Variants in RAPGEF1 observed in about 807,000 individuals in gnomAD.
RAPGEF1 encodes the protein Rap guanine nucleotide exchange factor 1, also known as CRK SH3-binding GNRP.
A neutral mutation model predicts 143.3 loss-of-function variants in RAPGEF1; 33 were observed. The observed-to-expected ratio is 0.23, with a 90% confidence interval of 0.17 to 0.31. RAPGEF1 has a LOEUF of 0.31. Among genes scored for constraint, RAPGEF1 ranks in the 10% least tolerant of loss-of-function variants. The pLI, the probability that RAPGEF1 is intolerant of heterozygous loss-of-function variation, is 1.00. For missense variants in RAPGEF1, 1,199 were observed against 1,645.4 expected, an observed-to-expected ratio of 0.73 and a Z score of 4.69; for synonymous variants, 629 against 676.5, an observed-to-expected ratio of 0.93 and a Z score of 1.09.
At chr9:131,608,518 G>C (rs985708711) in intron 12 of RAPGEF1, among the ~76,000 whole-genome samples, 7 of 152,164 alleles carry the variant, frequency 4.6e-5, no homozygotes. Context: ...GAAATGACCA[G>C]GGGTGTGGGC....
chr9:131,642,955 C>T (rs573318208), intron 4 of RAPGEF1, among the ~76,000 whole-genome samples: 11 of 152,314 alleles, frequency 7.2e-5, no homozygotes, highest in African/African-American at 2.6e-4. Context: ...CGGGAGGCGT[C>T]CTGGCTTGAC....
chr9:131,680,415 C>T (rs894364090), intron 1 of RAPGEF1, among the ~76,000 whole-genome samples: 2 of 152,264 alleles, frequency 1.3e-5, no homozygotes, highest in East Asian at 3.9e-4. Flanking sequence ...AAATTGGCCC[C>T]AAAACTGGTC....
At chr9:131,692,994 T>A (rs899671936) in intron 1 of RAPGEF1, among the ~76,000 whole-genome samples, 1 of 152,212 alleles carries the variant, frequency 6.6e-6, no homozygotes, top group Non-Finnish European at 1.5e-5. Context: ...ATGGGGACCC[T>A]GGCTAAGGGG....
chr9:131,680,582 G>C (rs1423877973), intron 1 of RAPGEF1, among the ~76,000 whole-genome samples: 1 of 152,222 alleles, frequency 6.6e-6, no homozygotes, highest in Non-Finnish European at 1.5e-5. Flanking sequence ...AATAGCATGA[G>C]AGATCTGTGC....
rs983289213 is a variant in RAPGEF1 at position 131,606,769 on chromosome 9, G to A, written c.2062-1581C>T. Reference sequence around the variant, plus strand: ...TTCCTGAGTAGCTGGGACCACAGGTGCATGTCACCACAACCGGCTCACTTT... The same window carrying A: ...TTCCTGAGTAGCTGGGACCACAGGTACATGTCACCACAACCGGCTCACTTT... On this transcript the variant is annotated intron_variant, in intron 12 of 26. Transcript: ENST00000683357. Among the ~76,000 whole-genome samples the A allele has an allele frequency of 2.0e-4, 30 of 152,112 alleles. 1 individual carries two copies. The highest frequency in any genetic ancestry group is 9.8e-4 in the Admixed American group (15 of 15,270).
At chr9:131,682,730 G>A (rs991472398) in intron 1 of RAPGEF1, among the ~76,000 whole-genome samples, 7 of 152,210 alleles carry the variant, frequency 4.6e-5, no homozygotes, top group East Asian at 3.9e-4. Flanking sequence ...AATAAACAAG[G>A]CAAAGCAGCT....
chr9:131,713,309 C>A (rs983756901), intron 1 of RAPGEF1, among the ~76,000 whole-genome samples: 7 of 152,192 alleles, frequency 4.6e-5, no homozygotes, highest in African/African-American at 1.4e-4. Context: ...CCAAGGAGAT[C>A]CACAAGATCA....
intron 1 of RAPGEF1, among the ~76,000 whole-genome samples, chr9:131,657,290 T>C (rs573678817): frequency 9.9e-5 from 15 of 152,172 alleles, no homozygotes; most frequent in Non-Finnish European, 1.8e-4. Context: ...CCCTTTCTCA[T>C]GCACGTCAAT....
At position 131,650,181 on chromosome 9, in the gene RAPGEF1, G is replaced by A; in HGVS notation, c.263C>T (p.Ala88Val). ...YPLPLDLEQQAVEFMSTSAVA... is the reference protein window; with the variant it reads ...YPLPLDLEQQVVEFMSTSAVA... Reference sequence around the variant, plus strand: ...AGCACTGGTGGACATAAATTCTACTGCCTGCTGCTCCAGATCCAAGGGGAG... The same window carrying A: ...AGCACTGGTGGACATAAATTCTACTACCTGCTGCTCCAGATCCAAGGGGAG... Residue 88 changes from alanine (A) to valine (V), a missense_variant, in exon 3 of 27, where the codon GCA (alanine) becomes GTA (valine). Coordinates refer to ENST00000683357, the MANE Select transcript of RAPGEF1 (RefSeq NM_001377935.1). The surrounding 1 kb of genome is among the most constrained non-coding windows in gnomAD (Gnocchi z 4.7). The A allele has an allele frequency of 6.2e-7, 1 of 1,613,944 alleles. No homozygotes were observed. Among genetic ancestry groups the A allele is most frequent in the East Asian group, 2.2e-5 (1 of 44,888 alleles).
At chr9:131,637,494 G>C (rs2133216670) in intron 5 of RAPGEF1, among the ~76,000 whole-genome samples, 1 of 152,296 alleles carries the variant, frequency 6.6e-6, no homozygotes, top group South Asian at 2.1e-4. Flanking sequence ...AGCTGCTGGG[G>C]AATGTTAAGC....
chr9:131,628,979 A>G lies in RAPGEF1; in HGVS notation c.893+123T>C. 7.6e-7 allele frequency: 1 copy of G among 1,320,130 alleles called. No homozygotes were observed. The highest frequency in any genetic ancestry group is 1.0e-6 in the Non-Finnish European group (1 of 984,648). The allele number at this position is 1,320,130 out of a possible 1,614,324, so 81.8% of individuals were successfully genotyped here. A position where few individuals can be genotyped will look rare whatever the true frequency, so the allele number is the denominator to read the frequency against. On this transcript the variant is annotated intron_variant, in intron 7 of 26. Transcript: ENST00000683357. This position sits in a 1 kb window ranked among gnomAD's most constrained non-coding sequence, Gnocchi z 5.7. The stretch of plus-strand genomic sequence containing the variant: ...GGGCCGGCGGGGTGGGGACAGCTCC[A>G]GAGTCAGCCTCCCAAGGGGGGCCAA...
Position 131,588,757 on chromosome 9 carries a change from C to T in RAPGEF1, c.3053+44G>A, listed in dbSNP as rs549996439. Reference sequence around the variant, plus strand: ...GAGGGAGGGTAAACTGAGAAAGGCACGGCTCCTGGGGAAGAGGCAGGGCTG... The same window carrying T: ...GAGGGAGGGTAAACTGAGAAAGGCATGGCTCCTGGGGAAGAGGCAGGGCTG... On this transcript the variant is annotated intron_variant, in intron 20 of 26. Transcript: ENST00000683357. 79 of 1,556,770 alleles carry T rather than the reference C, an allele frequency of 5.1e-5. 1 individual carries two copies. In the Middle Eastern group the frequency reaches 8.2e-4, roughly 16 times the overall value.
Position 131,643,385 on chromosome 9 carries a change from T to G in RAPGEF1, c.348A>C (p.Glu116Asp), listed in dbSNP as rs749443716. 2 of 1,613,702 alleles carry G rather than the reference T, an allele frequency of 1.2e-6. No homozygotes were observed. Among genetic ancestry groups the G allele is most frequent in the Admixed American group, 1.7e-5 (1 of 60,000 alleles). The change falls in exon 4 of 27, where the codon GAA (glutamate) becomes GAC (aspartate). Residue 116 changes from glutamate (E) to aspartate (D), a missense_variant. By Grantham distance (45) the Glu-to-Asp change is conservative. Transcript: ENST00000683357. ...NLSWLEEKEKEVVSALRYFKT... is the reference protein window; with the variant it reads ...NLSWLEEKEKDVVSALRYFKT... ...TAAAGTAGCGCAGGGCACTGACAAC[T>G]TCCTTCTCTTTCTCCTCCAGCCAGC...
At chr9:131,733,685 G>A (rs1030465441) in intron 1 of RAPGEF1, among the ~76,000 whole-genome samples, 1 of 152,214 alleles carries the variant, frequency 6.6e-6, no homozygotes, top group Non-Finnish European at 1.5e-5. Context: ...AGGCGGCCGC[G>A]GGGTGGGGCA....
At chr9:131,738,461 T>C (rs1056058851) in intron 1 of RAPGEF1, among the ~76,000 whole-genome samples, 2 of 152,166 alleles carry the variant, frequency 1.3e-5, no homozygotes, top group South Asian at 4.2e-4. Context: ...GGGGCTCAAA[T>C]TCAGTGAGAA....
At chr9:131,585,889 TAA>T (rs1296290880) in intron 22 of RAPGEF1, among the ~76,000 whole-genome samples, 1 of 152,030 alleles carries the variant, frequency 6.6e-6, no homozygotes, top group Non-Finnish European at 1.5e-5. Flanking sequence ...CTTTAAGAAT[TAA>T]AGACTAGGCT....
At chr9:131,730,213 A>AAG (rs1392101076) in intron 1 of RAPGEF1, among the ~76,000 whole-genome samples, 1 of 151,210 alleles carries the variant, frequency 6.6e-6, no homozygotes, top group Non-Finnish European at 1.5e-5. Flanking sequence ...AAAAAAAAAA[A>AAG]AAAGAAACAA....
chr9:131,619,230 A>AG (rs1195593950), intron 11 of RAPGEF1, 24 bp from the exon 12 acceptor site: 1 of 1,300,470 alleles, frequency 7.7e-7, no homozygotes, highest in African/African-American at 1.5e-5. Flanking sequence ...GGGAGGAGAG[A>AG]GAAGGCAGGG....
chr9:131,697,264 C>T (rs761280404), intron 1 of RAPGEF1, among the ~76,000 whole-genome samples: 6 of 152,166 alleles, frequency 3.9e-5, no homozygotes, highest in African/African-American at 1.2e-4. Flanking sequence ...GGCCCAGCTC[C>T]GGGCTCCCTA....
Sources: allele counts gnomAD v4.1 joint callset (sites outside exome capture counted in the v4.1 genomes callset), GRCh38; gene constraint gnomAD v4.1.1; non-coding constraint Gnocchi (gnomAD v3.1); transcripts MANE v1.5; gene names NCBI Gene and HGNC (gene_info 2026-07-23, HGNC 2026-07-21).